PID1: variants seen among roughly 807,000 people sequenced by gnomAD.
The protein encoded by PID1 is PTB-containing, cubilin and LRP1-interacting protein.
In PID1, 10 loss-of-function variants were observed where a neutral mutation model predicts 19.1. The observed-to-expected ratio is 0.52, with a 90% CI of 0.32 to 0.89. The LOEUF is 0.89. Among genes scored for constraint, PID1 ranks in the 40% least tolerant of loss-of-function variants. PID1 has a pLI of 0.03. For synonymous variants in PID1, 130 were observed against 116.0 expected (o/e 1.12, Z -0.78); for missense variants, 248 against 285.3 (o/e 0.87, Z 0.94).
chr2:229,178,779 C>G lies in PID1; in HGVS notation c.31-22815G>C, dbSNP rs574693259. Among the ~76,000 whole-genome samples, 13 of 152,294 alleles carry G rather than the reference C, an allele frequency of 8.5e-5. 1 individual carries two copies. Among genetic ancestry groups the G allele is most frequent in the African/African-American group, 2.9e-4 (12 of 41,560 alleles). ...CTATGTGATCGAGACTACACATCCT[C>G]TGACATTTCAGAGGCGGAAAGTGTC... On this transcript the variant is annotated intron_variant, in intron 1 of 2. Transcript: ENST00000392055.
intron 1 of PID1, among the ~76,000 whole-genome samples, chr2:229,208,832 G>A (rs1691663855): frequency 6.6e-6 from 1 of 152,196 alleles, no homozygotes; most frequent in Admixed American, 6.5e-5. Flanking sequence ...GGGAGAGAAA[G>A]GGTATTATCA....
intron 1 of PID1, among the ~76,000 whole-genome samples, chr2:229,217,877 C>T (rs6705190): frequency 0.98 from 149,874 of 152,248 alleles, 73,802 homozygotes; most frequent in East Asian, 1. Context: ...CCTCCAACTA[C>T]CCCAAACCAG....
intron 2 of PID1, among the ~76,000 whole-genome samples, chr2:229,102,669 C>A (rs1403958004): frequency 6.6e-6 from 1 of 152,176 alleles, no homozygotes; most frequent in Admixed American, 6.5e-5. Context: ...CTCATCAAAT[C>A]CCTCTGTCAT....
At chr2:229,056,688 A>G (rs531814851) in intron 2 of PID1, among the ~76,000 whole-genome samples, 21 of 12,030 alleles carry the variant, frequency 1.7e-3, no homozygotes, top group African/African-American at 0.016. Flanking sequence ...TTCCCAATGC[A>G]CCACCAAGCA....
chr2:229,096,757 G>A (rs1439375564), intron 2 of PID1, among the ~76,000 whole-genome samples: 1 of 152,150 alleles, frequency 6.6e-6, no homozygotes, highest in African/African-American at 2.4e-5. Context: ...TCATGCATAT[G>A]TTTGGTCAGA....
At chr2:229,105,101 T>C (rs1471687315) in intron 2 of PID1, among the ~76,000 whole-genome samples, 2 of 152,256 alleles carry the variant, frequency 1.3e-5, no homozygotes, top group Admixed American at 6.5e-5. Context: ...ATCATTATTA[T>C]TGGCCAATAG....
chr2:229,160,967 G>A (rs534931183), intron 1 of PID1, among the ~76,000 whole-genome samples: 1 of 152,174 alleles, frequency 6.6e-6, no homozygotes, highest in South Asian at 2.1e-4. Flanking sequence ...CCCTTCCTTG[G>A]GGAAGCTTCT....
At chr2:229,165,879 A>AC (rs909719006) in intron 1 of PID1, among the ~76,000 whole-genome samples, 8 of 152,102 alleles carry the variant, frequency 5.3e-5, no homozygotes, top group Non-Finnish European at 1.0e-4. Context: ...GATAACCTAA[A>AC]AAAAAGCAAA....
At chr2:229,245,638 T>TA (rs1422243370) in intron 1 of PID1, among the ~76,000 whole-genome samples, 1 of 152,184 alleles carries the variant, frequency 6.6e-6, no homozygotes, top group Non-Finnish European at 1.5e-5. Context: ...AGCAGACTGA[T>TA]AAAAAATACT....
intron 1 of PID1, among the ~76,000 whole-genome samples, chr2:229,246,838 G>A (rs150304520): frequency 1.6e-3 from 250 of 152,188 alleles, no homozygotes; most frequent in African/African-American, 5.9e-3. Flanking sequence ...ACAAGAAGTC[G>A]CCTAAGAAAG....
At chr2:229,189,575 T>C (rs1485579326) in intron 1 of PID1, among the ~76,000 whole-genome samples, 1 of 152,156 alleles carries the variant, frequency 6.6e-6, no homozygotes, top group Non-Finnish European at 1.5e-5. Flanking sequence ...CAGACGCCTG[T>C]AATCCCAGCT....
At chr2:229,135,648 T>C (rs62190379) in intron 2 of PID1, among the ~76,000 whole-genome samples, 10,903 of 152,192 alleles carry the variant, frequency 0.072, 527 homozygotes, top group South Asian at 0.22. Context: ...GAAAAACCAC[T>C]GTTCAGTACA....
At chr2:229,251,973 A>T (rs1690165971) in intron 1 of PID1, among the ~76,000 whole-genome samples, 1 of 151,122 alleles carries the variant, frequency 6.6e-6, no homozygotes, top group African/African-American at 2.4e-5. Flanking sequence ...AGAAAAGCTT[A>T]AAAAAAAGAA....
chr2:229,073,437 T>A (rs1694497635), intron 2 of PID1, among the ~76,000 whole-genome samples: 1 of 152,136 alleles, frequency 6.6e-6, no homozygotes, highest in South Asian at 2.1e-4. Flanking sequence ...GAGAGGAAAA[T>A]TATGGTGTAG....
intron 1 of PID1, among the ~76,000 whole-genome samples, chr2:229,215,238 C>T (rs1220477431): frequency 6.6e-6 from 1 of 152,204 alleles, no homozygotes; most frequent in African/African-American, 2.4e-5. Flanking sequence ...AGTTTATTAA[C>T]TGAATGAGGC....
chr2:229,024,682 C>G lies in PID1; in HGVS notation c.*950G>C, dbSNP rs1693371919. 1 of 152,606 alleles carries G rather than the reference C, an allele frequency of 6.6e-6. No homozygotes were observed. Among genetic ancestry groups the G allele is most frequent in the Non-Finnish European group, 1.5e-5 (1 of 68,038 alleles). 9.5% of individuals were successfully genotyped at this position (152,606 alleles called of 1,614,324 possible). A position where few individuals can be genotyped will look rare whatever the true frequency, so the allele number is the denominator to read the frequency against. On this transcript the variant is annotated 3_prime_UTR_variant, in exon 3 of 3. Transcript: ENST00000392055. ...AGCTTGCCATCAAGGATGCATCAGA[C>G]AGGACCATTAATTAAATAAGTTACC...
In PID1 at chr2:229,025,798, T is replaced by A. The variant is rs147401384; in HGVS notation, c.488A>T (p.Asp163Val). The change falls in exon 3 of 3, where the codon GAC (aspartate) becomes GTC (valine). Residue 163 changes from aspartate (D) to valine (V), a missense_variant. By Grantham distance (152) the Asp-to-Val change is radical. Transcript: ENST00000392055. ...EINDDLSYQMDCHAVECESKL... is the reference protein window; with the variant it reads ...EINDDLSYQMVCHAVECESKL... ...GCTCTCGCACTCCACGGCGTGGCAG[T>A]CCATCTGGTAGGACAGGTCATCATT... 116 of 1,614,134 alleles carry A rather than the reference T, an allele frequency of 7.2e-5. No individual in the cohort carries two copies. The highest frequency in any genetic ancestry group is 8.6e-5 in the Non-Finnish European group (101 of 1,180,040).
chr2:229,074,384 G>A (rs1298432226), intron 2 of PID1, among the ~76,000 whole-genome samples: 6 of 151,996 alleles, frequency 3.9e-5, no homozygotes, highest in Non-Finnish European at 8.8e-5. Flanking sequence ...TTAAAATGGA[G>A]ACAAACAGAA....
chr2:229,043,154 C>T (rs7563480), intron 2 of PID1, among the ~76,000 whole-genome samples: 61,390 of 151,540 alleles, frequency 0.41, 12,616 homozygotes, highest in East Asian at 0.61. Context: ...TACAGGGGCT[C>T]GCCACCAAGC....
Sources: allele counts gnomAD v4.1 joint callset (sites outside exome capture counted in the v4.1 genomes callset), GRCh38; gene constraint gnomAD v4.1.1; transcripts MANE v1.5; gene names NCBI Gene and HGNC (gene_info 2026-07-23, HGNC 2026-07-21).